UBR1: variants seen among roughly 807,000 people sequenced by gnomAD.
UBR1 encodes E3 ubiquitin-protein ligase UBR1.
In UBR1, 102 loss-of-function variants were observed where a neutral mutation model predicts 242.1. The observed-to-expected ratio is 0.42, with a 90% CI of 0.36 to 0.50. The LOEUF (loss-of-function observed/expected upper bound fraction) is 0.50, where lower values mean the gene tolerates loss of function less well. Ranked by LOEUF, UBR1 falls within the 20% of genes least tolerant of loss-of-function variation. The pLI, the probability that UBR1 is intolerant of heterozygous loss-of-function variation, is 0.01. For synonymous variants in UBR1, 675 were observed against 684.8 expected (o/e 0.99, Z 0.22); for missense variants, 1,772 against 2,101.8 (o/e 0.84, Z 3.07).
intron 45 of UBR1, 136 bp downstream of exon 45, chr15:42,952,142 C>T (rs138000286): frequency 0.014 from 15,367 of 1,095,432 alleles, 160 homozygotes; most frequent in Non-Finnish European, 0.017. Flanking sequence ...AATGCAATTT[C>T]ATGTCAATAA....
chr15:42,996,605 A>C (rs142202313), intron 33 of UBR1, among the ~76,000 whole-genome samples: 63 of 151,226 alleles, frequency 4.2e-4, no homozygotes, highest in South Asian at 1.7e-3. Context: ...AAAACAACAA[A>C]CCCCCCCAAC....
intron 32 of UBR1, among the ~76,000 whole-genome samples, chr15:42,999,251 T>G (rs1357731261): frequency 6.6e-6 from 1 of 152,204 alleles, no homozygotes; most frequent in Non-Finnish European, 1.5e-5. Context: ...GCCTTTGCTC[T>G]TGATATAGCC....
rs2033037470 is a variant in UBR1, at chr15:43,017,195, A to G, written c.2941-14T>C. On this transcript the variant is annotated splice_polypyrimidine_tract_variant and intron_variant, in intron 27 of 46. Coordinates refer to ENST00000290650, the MANE Select transcript of UBR1 (RefSeq NM_174916.3). ...TGTGTCAAACATCTGTGAAAAACAG[A>G]TGAAACGTTAAAAGAGTTAGTTAGA... 1.3e-6 allele frequency: 2 copies of G among 1,595,148 alleles called. No homozygotes were observed. The highest frequency in any genetic ancestry group is 2.2e-5 in the East Asian group (1 of 44,774).
At chr15:42,964,505 C>G (rs991245362) in intron 41 of UBR1, among the ~76,000 whole-genome samples, 2 of 152,018 alleles carry the variant, frequency 1.3e-5, no homozygotes, top group African/African-American at 4.8e-5. Flanking sequence ...AAACAAAACC[C>G]ATGGGTGGCA....
chr15:42,974,376 C>T lies in UBR1; in HGVS notation c.4369+2341G>A, dbSNP rs1165758485. Among the ~76,000 whole-genome samples, 4 of 152,284 alleles carry T rather than the reference C, an allele frequency of 2.6e-5. No individual in the cohort carries two copies. The East Asian group carries it at 7.7e-4, about 29-fold the overall frequency. On this transcript the variant is annotated intron_variant, in intron 39 of 46. Coordinates refer to ENST00000290650, the MANE Select transcript of UBR1 (RefSeq NM_174916.3). ...TGCTCAAATGTCAAAGATCAGTTGA[C>T]TACAAATATGTGGATCTATATCTGG...
At chr15:43,052,015 C>A (rs2033563261) in intron 12 of UBR1, among the ~76,000 whole-genome samples, 1 of 152,138 alleles carries the variant, frequency 6.6e-6, no homozygotes, top group Admixed American at 6.6e-5. Flanking sequence ...AACTGAGAAA[C>A]AAAGTACCCC....
Position 42,976,851 on chromosome 15 carries a change from G to A in UBR1, c.4235C>T (p.Ala1412Val), listed in dbSNP as rs764355906. ...LFHVLVGAVL[A>V]FPSLYWDDPV... ...GTCATCCCAATACAAGGATGGGAAT[G>A]CTAACACAGCACCCACCTATGAGAG... is the stretch of plus-strand genomic sequence containing the variant. The change falls in exon 39 of 47, where the codon GCA (alanine) becomes GTA (valine). Residue 1412 changes from alanine (A) to valine (V), a missense_variant. Physicochemically the swap from Ala to Val is moderately conservative, Grantham distance 64. This residue lies in a region of UBR1 where 965 missense variants were observed against 1,079.7 expected (regional missense o/e 0.89). Coordinates refer to ENST00000290650, the MANE Select transcript of UBR1 (RefSeq NM_174916.3). 3 of 1,613,858 alleles carry A rather than the reference G, an allele frequency of 1.9e-6. No individual in the cohort carries two copies. Among genetic ancestry groups the A allele is most frequent in the South Asian group, 2.2e-5 (2 of 91,062 alleles).
At chr15:43,036,489 G>A (rs1188296494) in intron 18 of UBR1, 39 bp downstream of exon 18, 1 of 1,438,160 alleles carries the variant, frequency 7.0e-7, no homozygotes, top group Admixed American at 1.7e-5. Context: ...CAAGAAGGAA[G>A]ATGAAGACAC....
At chr15:43,071,027 A>ACAACAT in intron 4 of UBR1, 102 bp from the exon 5 acceptor site, 1 of 1,446,630 alleles carries the variant, frequency 6.9e-7, no homozygotes. Context: ...TGAATTCATT[A>ACAACAT]CAACATCGTC....
At chr15:43,019,560 G>C (rs1373415431) in intron 27 of UBR1, among the ~76,000 whole-genome samples, 1 of 150,424 alleles carries the variant, frequency 6.6e-6, no homozygotes, top group Non-Finnish European at 1.5e-5. Flanking sequence ...GAGTGCAGAA[G>C]CTCCATAATC....
At chr15:42,951,222 C>T (rs1407183595) in intron 45 of UBR1, among the ~76,000 whole-genome samples, 1 of 152,122 alleles carries the variant, frequency 6.6e-6, no homozygotes, top group African/African-American at 2.4e-5. Flanking sequence ...ATATAAGTGA[C>T]TATTTTTCTT....
chr15:43,071,058 G>A (rs909787918), intron 4 of UBR1, 133 bp from the exon 5 acceptor site: 12 of 1,239,698 alleles, frequency 9.7e-6, no homozygotes, highest in Non-Finnish European at 1.3e-5. Flanking sequence ...TTCAAGTTGA[G>A]CTCAAGAGGG....
chr15:42,987,609 G>T (rs1324859350), intron 35 of UBR1, among the ~76,000 whole-genome samples: 1 of 151,062 alleles, frequency 6.6e-6, no homozygotes, highest in Non-Finnish European at 1.5e-5. Flanking sequence ...AGCTACTCGG[G>T]AGCCTGAGGC....
intron 2 of UBR1, among the ~76,000 whole-genome samples, chr15:43,084,488 G>T (rs926412055): frequency 6.6e-6 from 1 of 152,154 alleles, no homozygotes; most frequent in Non-Finnish European, 1.5e-5. Flanking sequence ...ATGGAGTCTT[G>T]CTCTGTTGCC....
At position 43,084,002 on chromosome 15, in the gene UBR1, G is replaced by A. The variant is rs1391320454; in HGVS notation, c.339-1286C>T. ...GAGGTTGCGGGTGAGCTGAGATAGC[G>A]CCACTGTACTCTAGCCTAGGCAATA... is the stretch of plus-strand genomic sequence containing the variant. On this transcript the variant is annotated intron_variant, in intron 2 of 46. Transcript: ENST00000290650. Among the ~76,000 whole-genome samples the A allele has an allele frequency of 3.3e-5, 5 of 151,960 alleles. No homozygotes were observed. The South Asian group carries it at 6.2e-4, about 19-fold the overall frequency.
intron 46 of UBR1, among the ~76,000 whole-genome samples, chr15:42,949,297 G>A (rs1461037090): frequency 3.0e-5 from 3 of 101,478 alleles, no homozygotes; most frequent in Admixed American, 1.3e-4. Context: ...GGGGAGGGGG[G>A]AGGGATAGCA....
At chr15:43,051,411 G>T (rs2033553344) in intron 12 of UBR1, among the ~76,000 whole-genome samples, 1 of 152,128 alleles carries the variant, frequency 6.6e-6, no homozygotes, top group Non-Finnish European at 1.5e-5. Context: ...ACACACACTG[G>T]GGTCTATCAG....
intron 44 of UBR1, among the ~76,000 whole-genome samples, chr15:42,955,278 A>C (rs1003952825): frequency 1.3e-5 from 2 of 152,230 alleles, no homozygotes; most frequent in Non-Finnish European, 2.9e-5. Context: ...ACATGAAAGC[A>C]GTTAATTATG....
chr15:42,989,665 C>T (rs116997329), intron 34 of UBR1, among the ~76,000 whole-genome samples: 2 of 152,174 alleles, frequency 1.3e-5, no homozygotes, highest in East Asian at 3.9e-4. Flanking sequence ...ATGGAGTGAC[C>T]TGAGACTTTT....
Sources: allele counts gnomAD v4.1 joint callset (sites outside exome capture counted in the v4.1 genomes callset), GRCh38; gene constraint gnomAD v4.1.1; regional missense constraint gnomAD v4.1.1; transcripts MANE v1.5; gene names NCBI Gene and HGNC (gene_info 2026-07-23, HGNC 2026-07-21).